The following SDK1 variants were observed in gnomAD, a reference collection of about 807,000 sequenced individuals.
The protein encoded by SDK1 is sidekick cell adhesion molecule 1.
Under a neutral mutation model 245.5 loss-of-function variants are expected in SDK1, and 157 were observed. The observed-to-expected ratio is 0.64, with a 90% CI of 0.56 to 0.73. SDK1 has a LOEUF of 0.73. Ranked by LOEUF, SDK1 falls within the 30% of genes least tolerant of loss-of-function variation. The pLI is 0.00. For synonymous variants in SDK1, 1,647 were observed against 1,278.5 expected, an observed-to-expected ratio of 1.29 and a Z score of -6.15; for missense variants, 3,583 against 3,002.3, an observed-to-expected ratio of 1.19 and a Z score of -4.52.
chr7:3,623,812 T>A (rs1466306451), intron 2 of SDK1, among the ~76,000 whole-genome samples: 1 of 152,184 alleles, frequency 6.6e-6, no homozygotes, highest in Non-Finnish European at 1.5e-5. Flanking sequence ...AAGGAATAAT[T>A]GTATACTCTA....
At chr7:3,457,166 G>C (rs1346240911) in intron 1 of SDK1, among the ~76,000 whole-genome samples, 1 of 152,100 alleles carries the variant, frequency 6.6e-6, no homozygotes, top group Non-Finnish European at 1.5e-5. Flanking sequence ...GATTCTGTTT[G>C]GTCCGGGCAA....
intron 1 of SDK1, among the ~76,000 whole-genome samples, chr7:3,495,210 A>T (rs1282991822): frequency 6.7e-6 from 1 of 150,310 alleles, no homozygotes; most frequent in Non-Finnish European, 1.5e-5. Context: ...CTGTCATTTC[A>T]GCGAGGCCCC....
chr7:3,671,876 C>T (rs1032889512), intron 4 of SDK1, among the ~76,000 whole-genome samples: 3 of 152,116 alleles, frequency 2.0e-5, no homozygotes, highest in African/African-American at 7.2e-5. Context: ...TGAGATTGGG[C>T]AGGTTTTTGT....
At chr7:4,230,065 AAGG>A (rs1785652849) in intron 40 of SDK1, among the ~76,000 whole-genome samples, 1 of 134,546 alleles carries the variant, frequency 7.4e-6, no homozygotes, top group Admixed American at 7.5e-5. Context: ...GGAAGGAAGG[AAGG>A]AAGGAAGGAA....
At chr7:4,003,379 A>G (rs1785219111) in intron 14 of SDK1, among the ~76,000 whole-genome samples, 5 of 152,284 alleles carry the variant, frequency 3.3e-5, no homozygotes, top group South Asian at 4.1e-4. Context: ...CCCCTGTGAC[A>G]CTAGTATGGT....
intron 5 of SDK1, among the ~76,000 whole-genome samples, chr7:3,841,523 G>C (rs994699215): frequency 1.3e-5 from 2 of 152,078 alleles, no homozygotes; most frequent in Admixed American, 1.3e-4. Flanking sequence ...GCTAGAACCA[G>C]AACTGCCCAC....
intron 1 of SDK1, among the ~76,000 whole-genome samples, chr7:3,312,016 C>T (rs1464475321): frequency 6.6e-6 from 1 of 152,078 alleles, no homozygotes; most frequent in African/African-American, 2.4e-5. Flanking sequence ...AGGGCTTTTC[C>T]ATCTGTGAAA....
At chr7:3,776,573 T>A (rs1260775333) in intron 4 of SDK1, among the ~76,000 whole-genome samples, 1 of 152,228 alleles carries the variant, frequency 6.6e-6, no homozygotes, top group East Asian at 1.9e-4. Flanking sequence ...GAAGATAGTA[T>A]GTGAATATGT....
At chr7:3,328,103 G>T (rs1447942220) in intron 1 of SDK1, among the ~76,000 whole-genome samples, 1 of 152,116 alleles carries the variant, frequency 6.6e-6, no homozygotes, top group Non-Finnish European at 1.5e-5. Flanking sequence ...TTCTGTGTGT[G>T]TTTAACTTTC....
chr7:3,535,188 A>G lies in SDK1; in HGVS notation c.299-83892A>G, dbSNP rs150279489. Reference sequence around the variant, plus strand: ...CTACTCAGGAGACTGAGGCAGGAGAATTGCTTGAACCCAGGAGGCGGAGGT... The same window carrying G: ...CTACTCAGGAGACTGAGGCAGGAGAGTTGCTTGAACCCAGGAGGCGGAGGT... On this transcript the variant is annotated intron_variant, in intron 1 of 44. Coordinates refer to ENST00000404826, the MANE Select transcript of SDK1 (RefSeq NM_152744.4). Among the ~76,000 whole-genome samples the G allele has an allele frequency of 6.0e-3, 918 of 152,202 alleles. 11 individuals are homozygous for G. The highest frequency in any genetic ancestry group is 0.021 in the African/African-American group (860 of 41,516).
At chr7:3,712,246 A>G (rs940152677) in intron 4 of SDK1, among the ~76,000 whole-genome samples, 1 of 152,188 alleles carries the variant, frequency 6.6e-6, no homozygotes, top group Non-Finnish European at 1.5e-5. Context: ...CAGTGGCAGC[A>G]TATGATTCTC....
chr7:3,405,182 AC>A lies in SDK1; in HGVS notation c.298+103299del, dbSNP rs139787465. ...ACCAAAAAAAAAAACAAAAACAAAA[AC>A]AAAAAACACTTTCCTTAATCTTGGA... On this transcript the variant is annotated intron_variant, in intron 1 of 44. Coordinates refer to ENST00000404826, the MANE Select transcript of SDK1 (RefSeq NM_152744.4). Among the ~76,000 whole-genome samples the A allele has an allele frequency of 5.3e-4, 64 of 121,728 alleles. 1 individual carries two copies. Among genetic ancestry groups the A allele is most frequent in the African/African-American group, 1.9e-3 (53 of 27,734 alleles). 79.9% of individuals were successfully genotyped at this position (121,728 alleles called of 152,430 possible). A position where few individuals can be genotyped will look rare whatever the true frequency, so the allele number is the denominator to read the frequency against.
At chr7:4,227,507 G>T in intron 40 of SDK1, 1 of 461,780 alleles carries the variant, frequency 2.2e-6, no homozygotes. Flanking sequence ...ACCTGGATTG[G>T]CCATTCATAC....
At chr7:4,066,073 G>A (rs7801843) in intron 19 of SDK1, among the ~76,000 whole-genome samples, 37,677 of 152,066 alleles carry the variant, frequency 0.25, 6,993 homozygotes, top group African/African-American at 0.53. Flanking sequence ...CCTGCCTGGC[G>A]TGGAGGGTGT....
chr7:3,360,774 C>G (rs749709456), intron 1 of SDK1, among the ~76,000 whole-genome samples: 1 of 152,072 alleles, frequency 6.6e-6, no homozygotes, highest in Admixed American at 6.6e-5. Flanking sequence ...AGCAGTCCCC[C>G]CTCCCCACAG....
rs869083123 is a variant in SDK1, at chr7:3,474,091, G to GTTTTTTTTT, written c.299-144966_299-144958dup. Among the ~76,000 whole-genome samples the GTTTTTTTTT allele has an allele frequency of 1.1e-3, 48 of 43,232 alleles. 8 individuals carry two copies. Among genetic ancestry groups the GTTTTTTTTT allele is most frequent in the African/African-American group, 4.2e-3 (42 of 9,914 alleles). The allele number at this position is 43,232 out of a possible 152,430, so 28.4% of individuals were successfully genotyped here. ...CAACTTGACATCTCTACCAGATGGT[G>GTTTTTTTTT]TTTTTTTTTTTTTTTTTTTTTTTTT... is the stretch of plus-strand genomic sequence containing the variant. On this transcript the variant is annotated intron_variant, in intron 1 of 44. Coordinates refer to ENST00000404826, the MANE Select transcript of SDK1 (RefSeq NM_152744.4).
At chr7:3,879,510 A>AC (rs1781153945) in intron 5 of SDK1, among the ~76,000 whole-genome samples, 4 of 152,124 alleles carry the variant, frequency 2.6e-5, no homozygotes, top group African/African-American at 7.2e-5. Context: ...CGCCCTTTTC[A>AC]AGGGGCCAGG....
intron 4 of SDK1, among the ~76,000 whole-genome samples, chr7:3,645,189 T>G (rs1375619012): frequency 2.0e-5 from 3 of 152,224 alleles, no homozygotes; most frequent in African/African-American, 4.8e-5. Context: ...CCTGTTTAAT[T>G]CCTGGTGAGC....
chr7:3,548,578 T>G (rs1779304314), intron 1 of SDK1, among the ~76,000 whole-genome samples: 1 of 152,220 alleles, frequency 6.6e-6, no homozygotes, highest in Non-Finnish European at 1.5e-5. Context: ...ATGATTATTT[T>G]CTTTTTAACA....
Sources: gnomAD v4.1 joint callset for allele counts (sites outside exome capture counted in the v4.1 genomes callset) on GRCh38, gnomAD v4.1.1 for gene constraint, MANE v1.5 for transcripts, NCBI Gene and HGNC (gene_info 2026-07-23, HGNC 2026-07-21) for gene names.